The following PIK3C2G variants were observed in gnomAD, a reference collection of about 807,000 sequenced individuals.
The protein encoded by PIK3C2G is phosphatidylinositol-4-phosphate 3-kinase catalytic subunit type 2 gamma, also known as phosphatidylinositol 3-kinase C2 domain-containing subunit gamma.
In PIK3C2G, 168 loss-of-function variants were observed where a neutral mutation model predicts 181.1. The ratio of observed to expected loss-of-function variants is 0.93; its 90% CI spans 0.82 to 1.05. PIK3C2G has a LOEUF of 1.05. Ranked by LOEUF, PIK3C2G falls within the 50% of genes least tolerant of loss-of-function variation. The probability of loss-of-function intolerance (pLI) is 0.00; values close to 1 mark genes in which losing one functional copy is unlikely to be tolerated. For synonymous variants in PIK3C2G, 573 were observed against 592.2 expected (o/e 0.97, Z 0.47); for missense variants, 1,869 against 1,732.8 (o/e 1.08, Z -1.40).
At chr12:18,504,033 G>A (rs1459664422) in intron 23 of PIK3C2G, among the ~76,000 whole-genome samples, 1 of 152,094 alleles carries the variant, frequency 6.6e-6, no homozygotes, top group Admixed American at 6.5e-5. Context: ...GTACAGCTGG[G>A]TCCACCCAGA....
chr12:18,696,616 AT>A, the PIK3C2G span, among the ~76,000 whole-genome samples: 1 of 152,022 alleles, frequency 6.6e-6, no homozygotes, highest in South Asian at 2.1e-4. Context: ...TAATCCATTC[AT>A]TTTTCAAAAC....
intron 11 of PIK3C2G, among the ~76,000 whole-genome samples, chr12:18,357,124 T>C (rs1473687652): frequency 1.3e-5 from 2 of 152,188 alleles, no homozygotes; most frequent in African/African-American, 2.4e-5. Context: ...AAAAAAGATA[T>C]CTCAAAATGT....
At chr12:18,496,001 T>G in intron 20 of PIK3C2G, 61 bp from the exon 21 acceptor site, 1 of 838,288 alleles carries the variant, frequency 1.2e-6, no homozygotes, top group Non-Finnish European at 1.8e-6. Flanking sequence ...AAGGTTTGCT[T>G]TTTGGGGATT....
chr12:18,517,067 G>C (rs1283813026), intron 24 of PIK3C2G, among the ~76,000 whole-genome samples: 1 of 145,074 alleles, frequency 6.9e-6, no homozygotes, highest in Non-Finnish European at 1.5e-5. Context: ...CTATCCCTAA[G>C]TTTTCACAAT....
At chr12:18,709,349 C>G in the PIK3C2G span, among the ~76,000 whole-genome samples, 1 of 152,028 alleles carries the variant, frequency 6.6e-6, no homozygotes, top group Admixed American at 6.6e-5. Flanking sequence ...GATCTCTAGG[C>G]TCTCTATTCT....
rs1463810697 is a variant in PIK3C2G at position 18,362,761 on chromosome 12, T to TA, written c.1626-2dup. On this transcript the variant is annotated splice_polypyrimidine_tract_variant and splice_region_variant and intron_variant, in intron 11 of 32. Coordinates refer to ENST00000538779, the MANE Select transcript of PIK3C2G (RefSeq NM_001288772.2). ...ATATTGAATTGATGTTGTTTCATTT[T>TA]AGCTACAAAGCGTTTTCTTTTACCT... The TA allele has an allele frequency of 6.6e-7, 1 of 1,508,342 alleles. No individual in the cohort carries two copies. Among genetic ancestry groups the TA allele is most frequent in the Admixed American group, 2.3e-5 (1 of 43,148 alleles). The allele number at this position is 1,508,342 out of a possible 1,614,324, so 93.4% of individuals were successfully genotyped here. A position where few individuals can be genotyped will look rare whatever the true frequency, so the allele number is the denominator to read the frequency against.
At chr12:18,348,740 T>G (rs756886196) in intron 11 of PIK3C2G, among the ~76,000 whole-genome samples, 3 of 152,270 alleles carry the variant, frequency 2.0e-5, no homozygotes, top group Admixed American at 2.0e-4. Context: ...ATATAAGTTA[T>G]CTATTAATAC....
intron 28 of PIK3C2G, among the ~76,000 whole-genome samples, chr12:18,563,808 CCT>C (rs1462724985): frequency 1.3e-4 from 19 of 151,926 alleles, no homozygotes; most frequent in African/African-American, 4.6e-4. Flanking sequence ...TTAATTTAAT[CCT>C]CTTAGTTATT....
chr12:18,494,541 G>A (rs57904563), intron 20 of PIK3C2G, among the ~76,000 whole-genome samples: 2,089 of 152,058 alleles, frequency 0.014, 50 homozygotes, highest in African/African-American at 0.049. Flanking sequence ...AATATATACC[G>A]CACATGAAAA....
At chr12:18,334,930 T>A (rs1938379796) in intron 8 of PIK3C2G, among the ~76,000 whole-genome samples, 1 of 152,112 alleles carries the variant, frequency 6.6e-6, no homozygotes, top group East Asian at 1.9e-4. Context: ...GTTTATACAA[T>A]TGTGCATTTA....
At chr12:18,324,205 C>G (rs1468568117) in intron 7 of PIK3C2G, among the ~76,000 whole-genome samples, 1 of 151,018 alleles carries the variant, frequency 6.6e-6, no homozygotes, top group Admixed American at 6.6e-5. Flanking sequence ...TGGGCGACAG[C>G]GACACTCCGT....
chr12:18,591,169 T>C (rs1045859006), intron 29 of PIK3C2G, among the ~76,000 whole-genome samples: 1 of 151,946 alleles, frequency 6.6e-6, no homozygotes, highest in African/African-American at 2.4e-5. Context: ...AAAGTAGACT[T>C]CTATTAAACA....
intron 26 of PIK3C2G, among the ~76,000 whole-genome samples, chr12:18,552,770 A>C (rs1242931387): frequency 6.6e-6 from 1 of 152,090 alleles, no homozygotes; most frequent in African/African-American, 2.4e-5. Flanking sequence ...ATTCATTATG[A>C]TGTTTGATAG....
intron 28 of PIK3C2G, among the ~76,000 whole-genome samples, chr12:18,566,671 A>G (rs76743450): frequency 0.068 from 10,416 of 152,150 alleles, 448 homozygotes; most frequent in Middle Eastern, 0.18. Context: ...AAAAGACAAA[A>G]TGTGTGGTCT....
At chr12:18,247,867 G>T (rs1013563032) in exon 1 of PIK3C2G, 2 of 152,066 alleles carry the variant, frequency 1.3e-5, no homozygotes, top group African/African-American at 4.8e-5. Flanking sequence ...AATGATTTGG[G>T]ACTGCTTTTC....
At chr12:18,642,786 C>CTGTGTGTG (rs56095750) in intron 32 of PIK3C2G, among the ~76,000 whole-genome samples, 1,928 of 143,148 alleles carry the variant, frequency 0.013, 25 homozygotes, top group African/African-American at 0.03. Context: ...ATAAGTGACA[C>CTGTGTGTG]TGTGTGTGTG....
intron 15 of PIK3C2G, among the ~76,000 whole-genome samples, chr12:18,396,486 T>C (rs1340513100): frequency 6.6e-6 from 1 of 151,418 alleles, no homozygotes; most frequent in Non-Finnish European, 1.5e-5. Flanking sequence ...ATTTCTTTAA[T>C]GTTGTATTGG....
intron 18 of PIK3C2G, among the ~76,000 whole-genome samples, chr12:18,459,663 G>T (rs1947813747): frequency 6.6e-6 from 1 of 152,166 alleles, no homozygotes; most frequent in Non-Finnish European, 1.5e-5. Flanking sequence ...CTTAACCTAT[G>T]CCTAAATTGA....
chr12:18,308,951 A>G (rs1164586459), intron 5 of PIK3C2G, among the ~76,000 whole-genome samples: 2 of 151,726 alleles, frequency 1.3e-5, no homozygotes. Context: ...TCTTCCATTC[A>G]GTCTGTTGCA....
Sources: allele counts gnomAD v4.1 joint callset (sites outside exome capture counted in the v4.1 genomes callset), GRCh38; gene constraint gnomAD v4.1.1; transcripts MANE v1.5; gene names NCBI Gene and HGNC (gene_info 2026-07-23, HGNC 2026-07-21).